FGD3: variants seen among roughly 807,000 people sequenced by gnomAD.
FGD3 encodes FYVE, RhoGEF and PH domain containing 3, also known as FYVE, RhoGEF and PH domain-containing protein 3.
A neutral mutation model predicts 71.8 loss-of-function variants in FGD3; 45 were observed. That is an observed-to-expected ratio of 0.63 (90% confidence interval 0.49 to 0.80). The LOEUF (loss-of-function observed/expected upper bound fraction) is 0.80. Ranked by LOEUF, FGD3 falls within the 30% of genes least tolerant of loss-of-function variation. The probability of loss-of-function intolerance (pLI) is 0.00; values close to 1 mark genes in which losing one functional copy is unlikely to be tolerated. For synonymous variants in FGD3, 378 were observed against 392.8 expected (o/e 0.96, Z 0.44); for missense variants, 844 against 951.5 (o/e 0.89, Z 1.49).
At chr9:92,980,145 C>T (rs1323800270) in intron 3 of FGD3, among the ~76,000 whole-genome samples, 1 of 152,016 alleles carries the variant, frequency 6.6e-6, no homozygotes, top group Admixed American at 6.5e-5. Flanking sequence ...CCCAGCCTCC[C>T]GAGTAGCTGA....
chr9:92,997,724 C>T (rs759768932), intron 3 of FGD3, among the ~76,000 whole-genome samples: 1 of 152,184 alleles, frequency 6.6e-6, no homozygotes, highest in Non-Finnish European at 1.5e-5. Context: ...ATTTCTCCTT[C>T]ACTTGTGAAG....
chr9:93,028,898 A>C (rs1393191203), intron 14 of FGD3, among the ~76,000 whole-genome samples: 1 of 133,256 alleles, frequency 7.5e-6, no homozygotes, highest in South Asian at 2.6e-4. Flanking sequence ...CCTCCACACC[A>C]CCCTCCTCTG....
chr9:93,032,790 G>A lies in FGD3; in HGVS notation c.1702G>A (p.Glu568Lys), dbSNP rs748207754. ...GCAGGTCATCTGTGGGAAGTGCTCC[G>A]AGTTCAAGGCCGAGAACAGCCGGCA... ...CGAVICGKCS[E>K]FKAENSRQSR... The change falls in exon 16 of 18, where the codon GAG becomes AAG. Residue 568 changes from glutamate to lysine, a missense_variant. Coordinates refer to ENST00000375482, the MANE Select transcript of FGD3 (RefSeq NM_001083536.2). 7.4e-5 allele frequency: 120 copies of A among 1,614,114 alleles called. No homozygotes were observed. Among genetic ancestry groups the A allele is most frequent in the Middle Eastern group, 1.6e-4 (1 of 6,084 alleles).
chr9:93,023,914 G>C (rs550836709), intron 14 of FGD3, among the ~76,000 whole-genome samples: 184 of 148,444 alleles, frequency 1.2e-3, no homozygotes, highest in African/African-American at 4.3e-3. Context: ...TGATCCTCCT[G>C]CCTCAGCCTC....
chr9:93,030,445 C>T (rs77479128), intron 15 of FGD3, among the ~76,000 whole-genome samples: 3,726 of 152,266 alleles, frequency 0.024, 50 homozygotes, highest in Non-Finnish European at 0.034. Flanking sequence ...GACTGGCGCC[C>T]CAGCTGCACA....
chr9:93,020,416 G>T lies in FGD3; in HGVS notation c.1486G>T (p.Asp496Tyr). The T allele has an allele frequency of 6.2e-7, 1 of 1,613,220 alleles. No homozygotes were observed. Among genetic ancestry groups the T allele is most frequent in the Non-Finnish European group, 8.5e-7 (1 of 1,179,760 alleles). Residue 496 changes from aspartate (D) to tyrosine (Y), a missense_variant, in exon 13 of 18, where the codon GAC (aspartate) becomes TAC (tyrosine). Transcript: ENST00000375482. ...GGATGAGGACCCCAGCCTCTCTCCA[G>T]ACATGCCTGTGAGTCAGTGGCCCGG... ...SQDEDPSLSPDMPITSTSPVE... is the reference protein window; with the variant it reads ...SQDEDPSLSPYMPITSTSPVE...
At chr9:93,013,352 C>G (rs1222445268) in intron 8 of FGD3, among the ~76,000 whole-genome samples, 1 of 152,228 alleles carries the variant, frequency 6.6e-6, no homozygotes, top group Non-Finnish European at 1.5e-5. Context: ...CCTCTGCGTT[C>G]TGCTACACTG....
chr9:93,006,344 G>A (rs1207013957), intron 6 of FGD3, among the ~76,000 whole-genome samples, 164 bp downstream of exon 6: 3 of 152,186 alleles, frequency 2.0e-5, no homozygotes, highest in Non-Finnish European at 4.4e-5. Context: ...ATTATGGGAT[G>A]TGCCCAGATG....
chr9:93,017,787 G>T (rs926849387), intron 10 of FGD3, among the ~76,000 whole-genome samples: 1 of 152,136 alleles, frequency 6.6e-6, no homozygotes, highest in Non-Finnish European at 1.5e-5. Flanking sequence ...GCCCAGTGGT[G>T]CCTGTGGGGA....
In FGD3 at chr9:92,997,299, C is replaced by G. The variant is rs1457743580; in HGVS notation, c.454-5626C>G. Among the ~76,000 whole-genome samples the G allele has an allele frequency of 2.0e-5, 3 of 152,054 alleles. No individual in the cohort carries two copies. In the East Asian group the frequency reaches 5.8e-4, roughly 29 times the overall value. ...TTTATCAGAGACTAGGATTGCAACC[C>G]CTGCTTTTTTGTTTTCCATTTGCTT... On this transcript the variant is annotated intron_variant, in intron 3 of 17. Transcript: ENST00000375482.
chr9:93,013,159 GC>G (rs1433763699), intron 8 of FGD3, among the ~76,000 whole-genome samples: 1 of 152,156 alleles, frequency 6.6e-6, no homozygotes, highest in African/African-American at 2.4e-5. Context: ...CTCCTCTGGT[GC>G]CCCCCACACC....
At chr9:93,027,925 C>G (rs1564171169) in intron 14 of FGD3, among the ~76,000 whole-genome samples, 3 of 151,820 alleles carry the variant, frequency 2.0e-5, no homozygotes, top group Non-Finnish European at 4.4e-5. Context: ...CACTATGTCG[C>G]CCAGATTGGT....
Position 92,995,498 on chromosome 9 carries a change from C to A in FGD3, c.454-7427C>A, listed in dbSNP as rs530113082. On this transcript the variant is annotated intron_variant, in intron 3 of 17. Transcript: ENST00000375482. The stretch of plus-strand genomic sequence containing the variant: ...TCTTGCCTGATTGCCCTGGCCAGAA[C>A]TTCCAACACTACGTTGAATAGGAGT... Among the ~76,000 whole-genome samples the A allele has an allele frequency of 2.0e-5, 3 of 152,302 alleles. No individual in the cohort carries two copies. The East Asian group carries it at 5.8e-4, about 29-fold the overall frequency.
chr9:92,953,988 C>T (rs916750196), intron 1 of FGD3, among the ~76,000 whole-genome samples: 4 of 152,236 alleles, frequency 2.6e-5, no homozygotes, highest in African/African-American at 4.8e-5. Flanking sequence ...TGAACAACTT[C>T]GATTCTTGTA....
Position 93,015,833 on chromosome 9 carries a change from G to T in FGD3, c.1275+4G>T, listed in dbSNP as rs41273404. The T allele has an allele frequency of 1.2e-6, 2 of 1,613,804 alleles. No individual in the cohort carries two copies. The highest frequency in any genetic ancestry group is 2.2e-5 in the East Asian group (1 of 44,874). On this transcript the variant is annotated splice_donor_region_variant and intron_variant, in intron 10 of 17. Transcript: ENST00000375482. ...GATGGACATCTCAGGCCTCCAGGTG[G>T]GTGAGCTCCTCCATCTCAAACCTGT...
chr9:93,008,191 A>G (rs922962518), intron 6 of FGD3, among the ~76,000 whole-genome samples: 1 of 152,204 alleles, frequency 6.6e-6, no homozygotes, highest in East Asian at 1.9e-4. Context: ...TTTTGAAACT[A>G]AGTTGCAGAC....
At chr9:93,033,031 C>T (rs1376691216) in intron 16 of FGD3, 158 bp downstream of exon 16, 1 of 738,636 alleles carries the variant, frequency 1.4e-6, no homozygotes, top group South Asian at 1.5e-5. Flanking sequence ...AGGCTGGGAA[C>T]ACACTCGGAA....
intron 1 of FGD3, among the ~76,000 whole-genome samples, chr9:92,970,749 T>G (rs1020489854): frequency 1.3e-5 from 2 of 152,240 alleles, no homozygotes; most frequent in African/African-American, 4.8e-5. Context: ...CTTTTTATTT[T>G]TCAGCATACG....
chr9:93,000,383 T>C (rs1860816052), intron 3 of FGD3, among the ~76,000 whole-genome samples: 1 of 152,220 alleles, frequency 6.6e-6, no homozygotes, highest in Non-Finnish European at 1.5e-5. Flanking sequence ...CTGAAGAACT[T>C]TATATTATCC....
Sources: allele counts gnomAD v4.1 joint callset (sites outside exome capture counted in the v4.1 genomes callset), GRCh38; gene constraint gnomAD v4.1.1; transcripts MANE v1.5; gene names NCBI Gene and HGNC (gene_info 2026-07-23, HGNC 2026-07-21).